Variants in TGDS observed in about 807,000 individuals in gnomAD.
TGDS encodes the protein UDP-D-glucose 4,6-dehydratase.
Under a neutral mutation model 52.3 loss-of-function variants are expected in TGDS, and 47 were observed. The observed-to-expected ratio is 0.90, with a 90% CI of 0.71 to 1.15. The LOEUF (loss-of-function observed/expected upper bound fraction) is 1.15. Among genes scored for constraint, TGDS ranks in the 50% most tolerant of loss-of-function variants. The probability of loss-of-function intolerance (pLI) is 0.00; values close to 1 mark genes in which losing one functional copy is unlikely to be tolerated. For missense variants in TGDS, 375 were observed against 418.4 expected, an observed-to-expected ratio of 0.90 and a Z score of 0.90; for synonymous variants, 115 against 136.9, an observed-to-expected ratio of 0.84 and a Z score of 1.12.
intron 6 of TGDS, 56 bp from the exon 7 acceptor site, chr13:94,580,009 TTTAA>T: frequency 1.7e-6 from 2 of 1,194,616 alleles, no homozygotes; most frequent in Non-Finnish European, 2.4e-6. Context: ...TAATGATTAT[TTTAA>T]AGATAAGCAG....
chr13:94,581,216 A>AT, intron 5 of TGDS, 27 bp from the exon 6 acceptor site: 2 of 1,394,976 alleles, frequency 1.4e-6, no homozygotes, highest in Non-Finnish European at 2.0e-6. Flanking sequence ...ATATTTAAAA[A>AT]AGTGTTATGC....
At chr13:94,587,560 G>A (rs1889034459) in intron 4 of TGDS, among the ~76,000 whole-genome samples, 1 of 152,202 alleles carries the variant, frequency 6.6e-6, no homozygotes, top group South Asian at 2.1e-4. Context: ...ATGAGGAAAA[G>A]TCAAGTCTTT....
chr13:94,575,486 C>T (rs986699091), intron 11 of TGDS, among the ~76,000 whole-genome samples: 21 of 151,756 alleles, frequency 1.4e-4, no homozygotes, highest in Admixed American at 3.9e-4. Flanking sequence ...GACAGGGTCT[C>T]GCTATATTTC....
chr13:94,583,953 T>TG (rs1307888320), intron 4 of TGDS, among the ~76,000 whole-genome samples: 1 of 152,202 alleles, frequency 6.6e-6, no homozygotes, highest in Non-Finnish European at 1.5e-5. Context: ...CGATGATCAA[T>TG]GTCACTTACA....
Position 94,582,594 on chromosome 13 carries a change from T to A in TGDS, c.456+500A>T, listed in dbSNP as rs536748906. 2.6e-5 allele frequency among the ~76,000 whole-genome samples: 4 copies of A among 152,316 alleles called. No homozygotes were observed. The East Asian group carries it at 7.7e-4, about 29-fold the overall frequency. ...GGGATTGAAGGATACAAAGTATTGA[T>A]CCTAGGTGTGTCTGTGAGGGTGTTG... On this transcript the variant is annotated intron_variant, in intron 5 of 11. Coordinates refer to ENST00000261296, the MANE Select transcript of TGDS (RefSeq NM_014305.4).
chr13:94,576,481 T>C (rs1888606547), intron 10 of TGDS, 70 bp from the exon 11 acceptor site: 11 of 1,079,464 alleles, frequency 1.0e-5, no homozygotes, highest in South Asian at 2.1e-5. Flanking sequence ...TTAGGAGATA[T>C]GTGTTTATGC....
At chr13:94,595,286 G>A (rs1889335128) in intron 1 of TGDS, among the ~76,000 whole-genome samples, 1 of 152,144 alleles carries the variant, frequency 6.6e-6, no homozygotes, top group Non-Finnish European at 1.5e-5. Context: ...GCAAAAGTAG[G>A]GCTTGGGCAC....
intron 1 of TGDS, among the ~76,000 whole-genome samples, chr13:94,594,934 T>C (rs1261162284): frequency 3.3e-5 from 5 of 152,166 alleles, no homozygotes; most frequent in Non-Finnish European, 7.3e-5. Flanking sequence ...TTATATAGAA[T>C]GGGCCAGGCA....
chr13:94,592,319 A>G lies in TGDS; in HGVS notation c.154-10T>C. 6.3e-7 allele frequency: 1 copy of G among 1,589,608 alleles called. No homozygotes were observed. Reference sequence around the variant, plus strand: ...TTGCACAGTAATCCAGCTTGAAAGAAGAGAGCACAGAAGGGGCAACACAAA... The same window carrying G: ...TTGCACAGTAATCCAGCTTGAAAGAGGAGAGCACAGAAGGGGCAACACAAA... On this transcript the variant is annotated splice_polypyrimidine_tract_variant and intron_variant, in intron 2 of 11. Coordinates refer to ENST00000261296, the MANE Select transcript of TGDS (RefSeq NM_014305.4).
At chr13:94,587,417 G>T (rs1047442816) in intron 4 of TGDS, among the ~76,000 whole-genome samples, 2 of 152,030 alleles carry the variant, frequency 1.3e-5, no homozygotes, top group Non-Finnish European at 2.9e-5. Context: ...CTGGTATAAA[G>T]AATTATTATA....
At chr13:94,577,936 C>A in intron 9 of TGDS, 69 bp downstream of exon 9, 2 of 1,477,636 alleles carry the variant, frequency 1.4e-6, no homozygotes, top group Non-Finnish European at 1.8e-6. Context: ...CTGTATGCTT[C>A]TGATTTTGAC....
In TGDS at chr13:94,574,060, C is replaced by CA. The variant is rs1029777292; in HGVS notation, c.*721dup. ...CAAAGAAGGATTAAAAATATATAATCAAATTTTTTTTTATTTTTCTACAGC... is the reference window on the plus strand; with the variant it reads ...CAAAGAAGGATTAAAAATATATAATCAAAATTTTTTTTTATTTTTCTACAGC... On this transcript the variant is annotated 3_prime_UTR_variant, in exon 12 of 12. Coordinates refer to ENST00000261296, the MANE Select transcript of TGDS (RefSeq NM_014305.4). The CA allele has an allele frequency of 6.6e-6, 1 of 151,936 alleles. No homozygotes were observed. The highest frequency in any genetic ancestry group is 2.4e-5 in the African/African-American group (1 of 41,402). 9.4% of individuals were successfully genotyped at this position (151,936 alleles called of 1,614,324 possible). A position where few individuals can be genotyped will look rare whatever the true frequency, so the allele number is the denominator to read the frequency against.
At chr13:94,590,396 T>A (rs1400831296) in intron 4 of TGDS, among the ~76,000 whole-genome samples, 1 of 152,034 alleles carries the variant, frequency 6.6e-6, no homozygotes, top group African/African-American at 2.4e-5. Flanking sequence ...CTGTCTTTTG[T>A]TCAGGTGACA....
At position 94,574,737 on chromosome 13, in the gene TGDS, G is replaced by T; in HGVS notation, c.*45C>A. The T allele has an allele frequency of 8.0e-7, 1 of 1,245,190 alleles. No individual in the cohort carries two copies. Among genetic ancestry groups the T allele is most frequent in the Non-Finnish European group, 1.2e-6 (1 of 860,382 alleles). The allele number at this position is 1,245,190 out of a possible 1,614,324, so 77.1% of individuals were successfully genotyped here. On this transcript the variant is annotated 3_prime_UTR_variant, in exon 12 of 12. Transcript: ENST00000261296. ...AATTTCATACCACTTGGCGAGGTAG[G>T]ATAACTTTCTTCTTTGACAACTGTC...
At chr13:94,587,671 T>G (rs964603332) in intron 4 of TGDS, among the ~76,000 whole-genome samples, 2 of 152,016 alleles carry the variant, frequency 1.3e-5, no homozygotes, top group African/African-American at 2.4e-5. Flanking sequence ...TAAGACAACA[T>G]GTCCATGACC....
intron 2 of TGDS, among the ~76,000 whole-genome samples, chr13:94,592,759 T>C (rs1305759506): frequency 6.6e-6 from 1 of 152,176 alleles, no homozygotes; most frequent in Non-Finnish European, 1.5e-5. Flanking sequence ...TTTTACACAT[T>C]TTAAGTTTCT....
chr13:94,588,827 C>CAG (rs1247182892), intron 4 of TGDS, among the ~76,000 whole-genome samples: 1 of 152,034 alleles, frequency 6.6e-6, no homozygotes, highest in African/African-American at 2.4e-5. Context: ...ATCAGACAGG[C>CAG]AGAGACAAAT....
chr13:94,582,616 G>A (rs887025438), intron 5 of TGDS, among the ~76,000 whole-genome samples: 1 of 152,188 alleles, frequency 6.6e-6, no homozygotes, highest in African/African-American at 2.4e-5. Context: ...CTGTGAGGGT[G>A]TTGTCAAGGG....
At chr13:94,594,659 G>A (rs929045201) in intron 1 of TGDS, among the ~76,000 whole-genome samples, 1 of 152,118 alleles carries the variant, frequency 6.6e-6, no homozygotes, top group African/African-American at 2.4e-5. Flanking sequence ...TTTCTAAGTC[G>A]CACCCTTCCT....
Sources: allele counts gnomAD v4.1 joint callset (sites outside exome capture counted in the v4.1 genomes callset), GRCh38; gene constraint gnomAD v4.1.1; transcripts MANE v1.5; gene names NCBI Gene and HGNC (gene_info 2026-07-23, HGNC 2026-07-21).